The following REPS2 variants were observed in gnomAD, a reference collection of about 807,000 sequenced individuals.
REPS2 encodes ralBP1-associated Eps domain-containing protein 2.
A neutral mutation model predicts 53.6 loss-of-function variants in REPS2; 23 were observed. The ratio of observed to expected loss-of-function variants is 0.43; its 90% CI spans 0.31 to 0.61. The LOEUF is 0.61. REPS2 is among the 20% of genes least tolerant of loss of function. The pLI is 0.11. For missense variants in REPS2, 446 were observed against 534.9 expected (o/e 0.83, Z 1.64); for synonymous variants, 238 against 218.6 (o/e 1.09, Z -0.78).
At chrX:16,962,329 G>T (rs1469119902) in intron 1 of REPS2, among the ~76,000 whole-genome samples, 1 of 99,677 alleles carries the variant, frequency 1.0e-5, no homozygotes. Context: ...ACACACAGAT[G>T]ACAGAATATT....
At chrX:17,013,605 G>A (rs1432806200) in intron 2 of REPS2, among the ~76,000 whole-genome samples, 2 of 88,773 alleles carry the variant, frequency 2.3e-5, no homozygotes, top group African/African-American at 4.3e-5. Flanking sequence ...AAGCCCAGGA[G>A]GTAAGGTTGT....
At chrX:17,108,605 A>G (rs1267858736) in intron 14 of REPS2, among the ~76,000 whole-genome samples, 2 of 111,820 alleles carry the variant, frequency 1.8e-5, no homozygotes, top group Admixed American at 1.9e-4. Flanking sequence ...GCTTCAGTGT[A>G]ACTATAATAA....
Position 17,150,310 on chromosome X carries a change from G to T in REPS2, c.*2829G>T, listed in dbSNP as rs1179113241. On this transcript the variant is annotated 3_prime_UTR_variant, in exon 18 of 18. Transcript: ENST00000357277. The stretch of plus-strand genomic sequence containing the variant: ...GTTGGGGAGAATTCTATAGACAGAA[G>T]GTCAATGTTGTCCCCATCCATAGGG... 8.9e-6 allele frequency: 1 copy of T among 112,410 alleles called. No individual in the cohort carries two copies. Among genetic ancestry groups the T allele is most frequent in the South Asian group, 3.7e-4 (1 of 2,713 alleles). The allele number at this position is 112,410 out of a possible 1,213,427, so 9.3% of individuals were successfully genotyped here.
chrX:17,164,890 T>C, the REPS2 span, among the ~76,000 whole-genome samples: 1 of 112,150 alleles, frequency 8.9e-6, no homozygotes, highest in Non-Finnish European at 1.9e-5. Context: ...TCTGGGTATT[T>C]GAAAAGATGA....
intron 1 of REPS2, among the ~76,000 whole-genome samples, chrX:16,970,262 T>A (rs1338658891): frequency 9.1e-6 from 1 of 109,315 alleles, no homozygotes; most frequent in African/African-American, 3.4e-5. Flanking sequence ...AGTGGCGTGA[T>A]CTCGGCTCAC....
At chrX:17,059,099 C>T (rs1339909743) in intron 8 of REPS2, among the ~76,000 whole-genome samples, 1 of 106,080 alleles carries the variant, frequency 9.4e-6, no homozygotes, top group African/African-American at 3.5e-5. Flanking sequence ...CAAGCTCCAC[C>T]TCCTGGGTTC....
At chrX:16,988,290 A>G (rs1049233954) in intron 1 of REPS2, among the ~76,000 whole-genome samples, 2 of 111,381 alleles carry the variant, frequency 1.8e-5, no homozygotes, top group African/African-American at 6.5e-5. Context: ...AGAAAACAAA[A>G]CAAAAACCTG....
rs1422283193 is a variant in REPS2 at position 16,946,908 on chromosome X, C to T, written c.47C>T (p.Ala16Val). 1.3e-6 allele frequency: 1 copy of T among 790,236 alleles called. No homozygotes were observed. 65.1% of individuals were successfully genotyped at this position (790,236 alleles called of 1,213,427 possible). Reference sequence around the variant, plus strand: ...GCGGCGGCGGCAGCGGCAGCGGCAGCGGCGGGCGGGGGCTGTGGCTCCGGG... The same window carrying T: ...GCGGCGGCGGCAGCGGCAGCGGCAGTGGCGGGCGGGGGCTGTGGCTCCGGG... Reference protein sequence around the residue: ...AAAAAAAAAAAAGGGCGSGPP... With the variant: ...AAAAAAAAAAVAGGGCGSGPP... The change falls in exon 1 of 18, where the codon GCG (alanine) becomes GTG (valine). Residue 16 changes from alanine to valine, a missense_variant. Ala to Val is a moderately conservative substitution (Grantham distance 64, BLOSUM62 0). Coordinates refer to ENST00000357277, the MANE Select transcript of REPS2 (RefSeq NM_004726.3).
downstream of REPS2, among the ~76,000 whole-genome samples, chrX:17,153,612 G>A (rs568808853): frequency 8.9e-6 from 1 of 111,756 alleles, no homozygotes; most frequent in South Asian, 3.8e-4. Context: ...GCTGGAGTTG[G>A]GGTGATGGGG....
rs3083679 is a variant in REPS2 at position 16,949,069 on chromosome X, TTGGTGG to T, written c.273+1965_273+1970del. 9.5e-3 allele frequency among the ~76,000 whole-genome samples: 983 copies of T among 103,999 alleles called. 16 individuals carry two copies. The highest frequency in any genetic ancestry group is 0.033 in the African/African-American group (941 of 28,156). The allele number at this position is 103,999 out of a possible 115,157, so 90.3% of individuals were successfully genotyped here. A position where few individuals can be genotyped will look rare whatever the true frequency, so the allele number is the denominator to read the frequency against. ...AGACACCTAATTTTCACCCATCACT[TTGGTGG>T]TGGTGGTGGTGGTGGTGGTGGTGGT... is the stretch of plus-strand genomic sequence containing the variant. On this transcript the variant is annotated intron_variant, in intron 1 of 17. Coordinates refer to ENST00000357277, the MANE Select transcript of REPS2 (RefSeq NM_004726.3).
the REPS2 span, among the ~76,000 whole-genome samples, chrX:17,164,981 C>T: frequency 2.7e-5 from 3 of 111,261 alleles, no homozygotes; most frequent in South Asian, 7.5e-4. Context: ...CTCCCCTTCT[C>T]CCATTTTCTG....
chrX:17,064,335 G>A (rs2062198671), intron 9 of REPS2, among the ~76,000 whole-genome samples: 1 of 111,792 alleles, frequency 8.9e-6, no homozygotes, highest in South Asian at 3.7e-4. Context: ...ATTACTGATT[G>A]TTCTTTCTAC....
chrX:17,182,141 T>C, the REPS2 span, among the ~76,000 whole-genome samples: 1 of 34,289 alleles, frequency 2.9e-5, no homozygotes, highest in Non-Finnish European at 6.9e-5. Flanking sequence ...GCTCTATCTG[T>C]CTATCTATCT....
intron 14 of REPS2, among the ~76,000 whole-genome samples, chrX:17,118,870 G>A (rs781568208): frequency 5.3e-5 from 6 of 112,158 alleles, no homozygotes; most frequent in Non-Finnish European, 1.1e-4. Context: ...AAGGCCAAGG[G>A]TAACCCTTAT....
chrX:16,963,017 T>C (rs976311050), intron 1 of REPS2, among the ~76,000 whole-genome samples: 4 of 111,544 alleles, frequency 3.6e-5, no homozygotes, highest in African/African-American at 1.3e-4. Context: ...GAGGATTGCT[T>C]GAGCCCGAAA....
chrX:17,051,932 C>G (rs750023740), intron 6 of REPS2, among the ~76,000 whole-genome samples: 18 of 112,166 alleles, frequency 1.6e-4, no homozygotes, highest in Non-Finnish European at 2.8e-4. Context: ...TCACCAAAAG[C>G]TTTCCCAAGA....
the REPS2 span, among the ~76,000 whole-genome samples, chrX:17,185,168 G>A: frequency 2.7e-5 from 3 of 110,761 alleles, no homozygotes; most frequent in South Asian, 3.9e-4. Context: ...AATGGTCTTC[G>A]TTGGGAAGGC....
Position 17,138,893 on chromosome X carries a change from A to G in REPS2, c.1846A>G (p.Ile616Val). The change falls in exon 17 of 18, where the codon ATC (isoleucine) becomes GTC (valine). Residue 616 changes from isoleucine to valine, a missense_variant. By Grantham distance (29) the Ile-to-Val change is conservative. Coordinates refer to ENST00000357277, the MANE Select transcript of REPS2 (RefSeq NM_004726.3). ...ACAGAAGAAGGCCATTCAAACTGCT[A>G]TCCGCAAAAATAAAGAGGCAAACGC... ...SKQKKAIQTA[I>V]RKNKEANAVL... 8.3e-7 allele frequency: 1 copy of G among 1,205,993 alleles called. No individual in the cohort carries two copies.
chrX:17,103,927 T>C (rs371762114), intron 14 of REPS2, 148 bp downstream of exon 14: 108 of 532,401 alleles, frequency 2.0e-4, no homozygotes, highest in South Asian at 1.8e-3. Flanking sequence ...AGTGGTTTAA[T>C]TTATTCTCAT....
Sources: gnomAD v4.1 joint callset for allele counts (sites outside exome capture counted in the v4.1 genomes callset) on GRCh38, gnomAD v4.1.1 for gene constraint, MANE v1.5 for transcripts, NCBI Gene and HGNC (gene_info 2026-07-23, HGNC 2026-07-21) for gene names.